Variants in SIMC1 observed in about 807,000 individuals in gnomAD.
SIMC1 encodes SUMO interacting motifs containing 1.
Under a neutral mutation model 82.3 loss-of-function variants are expected in SIMC1, and 55 were observed. The observed-to-expected ratio is 0.67, with a 90% confidence interval of 0.54 to 0.84. The LOEUF (loss-of-function observed/expected upper bound fraction) is 0.84, where lower values mean the gene tolerates loss of function less well. Among genes scored for constraint, SIMC1 ranks in the 40% least tolerant of loss-of-function variants. The pLI is 0.00. For missense variants in SIMC1, 915 were observed against 1,107.2 expected (o/e 0.83, Z 2.46); for synonymous variants, 353 against 426.3 (o/e 0.83, Z 2.12).
intron 2 of SIMC1, among the ~76,000 whole-genome samples, chr5:176,292,347 A>G (rs2113270479): frequency 6.6e-6 from 1 of 152,298 alleles, no homozygotes; most frequent in Non-Finnish European, 1.5e-5. Context: ...CCCCCATATT[A>G]AGAAAACCAG....
intron 7 of SIMC1, among the ~76,000 whole-genome samples, chr5:176,332,510 G>A (rs536913144): frequency 6.6e-6 from 1 of 151,970 alleles, no homozygotes; most frequent in African/African-American, 2.4e-5. Flanking sequence ...GGCTAGTCTC[G>A]AACTCCCGAC....
intron 1 of SIMC1, among the ~76,000 whole-genome samples, chr5:176,249,868 G>C (rs1377435345): frequency 1.6e-5 from 2 of 121,352 alleles, no homozygotes; most frequent in Non-Finnish European, 3.6e-5. Context: ...AAAAAAACCA[G>C]CTCCTGAATT....
chr5:176,268,134 C>T (rs1762275218), intron 1 of SIMC1, among the ~76,000 whole-genome samples: 1 of 108,218 alleles, frequency 9.2e-6, no homozygotes, highest in Non-Finnish European at 1.8e-5. Context: ...CAAGAGCAAC[C>T]ACTAAAAATA....
chr5:176,344,352 C>T (rs951399469), intron 9 of SIMC1, among the ~76,000 whole-genome samples: 8 of 152,124 alleles, frequency 5.3e-5, no homozygotes, highest in Non-Finnish European at 2.9e-5. Flanking sequence ...CTCGTGATCA[C>T]ACTCATGTTA....
At chr5:176,284,365 A>G (rs535841193) in intron 1 of SIMC1, among the ~76,000 whole-genome samples, 2 of 152,376 alleles carry the variant, frequency 1.3e-5, no homozygotes, top group South Asian at 4.1e-4. Context: ...CAGGATTAAG[A>G]AACTCACTCA....
intron 1 of SIMC1, among the ~76,000 whole-genome samples, chr5:176,248,536 A>G (rs1002418634): frequency 2.0e-5 from 3 of 152,138 alleles, no homozygotes; most frequent in Non-Finnish European, 2.9e-5. Context: ...TAAATATACA[A>G]TCATGTCATC....
intron 7 of SIMC1, among the ~76,000 whole-genome samples, chr5:176,327,637 C>G (rs1388154912): frequency 2.0e-5 from 3 of 152,140 alleles, no homozygotes; most frequent in Non-Finnish European, 4.4e-5. Context: ...GTTGGAGAAG[C>G]AGTGAGAGTA....
At chr5:176,244,936 G>T (rs983104483) in intron 1 of SIMC1, among the ~76,000 whole-genome samples, 10 of 151,892 alleles carry the variant, frequency 6.6e-5, no homozygotes, top group African/African-American at 2.4e-4. Flanking sequence ...GGTCAGGCTG[G>T]TCTCAAACTC....
chr5:176,274,822 G>A (rs1308877578), intron 1 of SIMC1, among the ~76,000 whole-genome samples: 1 of 151,438 alleles, frequency 6.6e-6, no homozygotes, highest in African/African-American at 2.4e-5. Flanking sequence ...TTGTAGATAG[G>A]CGGCATTATT....
At chr5:176,305,132 C>G (rs1764252694) in intron 4 of SIMC1, among the ~76,000 whole-genome samples, 1 of 36,900 alleles carries the variant, frequency 2.7e-5, no homozygotes, top group African/African-American at 1.0e-4. Context: ...CCGTGCCATC[C>G]AGGAGGGGGG....
chr5:176,327,747 G>GACA, intron 7 of SIMC1, among the ~76,000 whole-genome samples: 1 of 152,326 alleles, frequency 6.6e-6, no homozygotes, highest in East Asian at 1.9e-4. Context: ...CCCTTTGTCA[G>GACA]TTTGAGGGAG....
chr5:176,248,686 T>C (rs1761537243), intron 1 of SIMC1, among the ~76,000 whole-genome samples: 1 of 152,242 alleles, frequency 6.6e-6, no homozygotes. Flanking sequence ...CTTGTGCTGG[T>C]TTTCAAAGGG....
intron 7 of SIMC1, among the ~76,000 whole-genome samples, chr5:176,328,602 A>C (rs1008101186): frequency 4.6e-5 from 7 of 152,216 alleles, no homozygotes; most frequent in African/African-American, 1.7e-4. Flanking sequence ...AACTCTCACA[A>C]GTTTAGCGTT....
At position 176,306,931 on chromosome 5, in the gene SIMC1, A is replaced by AAT. The variant is rs1554112671; in HGVS notation, c.1735-6759_1735-6758insTA. Among the ~76,000 whole-genome samples, 756 of 151,400 alleles carry AAT rather than the reference A, an allele frequency of 5.0e-3. 2 individuals carry two copies. The highest frequency in any genetic ancestry group is 8.1e-3 in the Non-Finnish European group (548 of 67,836). On this transcript the variant is annotated intron_variant, in intron 4 of 9. Coordinates refer to ENST00000429602, the MANE Select transcript of SIMC1 (RefSeq NM_001308195.2). ...AATAAAAAAATAAATTAAAAAAAAA[A>AAT]AATAATAAAGAACTCCAGCAACTCA...
At chr5:176,287,717 A>G (rs1763359250) in intron 1 of SIMC1, among the ~76,000 whole-genome samples, 1 of 151,846 alleles carries the variant, frequency 6.6e-6, no homozygotes, top group Non-Finnish European at 1.5e-5. Context: ...AAAAAAAGAA[A>G]AAAAAAATCC....
intron 4 of SIMC1, among the ~76,000 whole-genome samples, chr5:176,311,916 A>G (rs927515408): frequency 1.3e-5 from 2 of 152,226 alleles, no homozygotes; most frequent in Non-Finnish European, 2.9e-5. Context: ...GAAAAGGGAC[A>G]GGACCTCTGA....
At chr5:176,321,565 T>C (rs1436763560) in intron 5 of SIMC1, among the ~76,000 whole-genome samples, 1 of 152,180 alleles carries the variant, frequency 6.6e-6, no homozygotes, top group Non-Finnish European at 1.5e-5. Context: ...ATTCGGTGTG[T>C]ATATTAAATC....
At chr5:176,252,771 T>TG (rs1236867930) in intron 1 of SIMC1, among the ~76,000 whole-genome samples, 5 of 152,180 alleles carry the variant, frequency 3.3e-5, no homozygotes, top group South Asian at 2.1e-4. Flanking sequence ...CTCGGCACTT[T>TG]GGGGGGCCAA....
chr5:176,345,050 A>G (rs1158557038), intron 9 of SIMC1, 133 bp from the exon 10 acceptor site: 3 of 1,185,530 alleles, frequency 2.5e-6, no homozygotes, highest in Non-Finnish European at 3.5e-6. Context: ...GCAGGCACTC[A>G]CACAGCCTTC....
Sources: gnomAD v4.1 joint callset for allele counts (sites outside exome capture counted in the v4.1 genomes callset) on GRCh38, gnomAD v4.1.1 for gene constraint, MANE v1.5 for transcripts, NCBI Gene and HGNC (gene_info 2026-07-23, HGNC 2026-07-21) for gene names.